Variants in ELF1 observed in about 807,000 individuals in gnomAD.
ELF1 encodes the protein ETS-related transcription factor Elf-1.
A neutral mutation model predicts 59.9 loss-of-function variants in ELF1; 24 were observed. The ratio of observed to expected loss-of-function variants is 0.40; its 90% confidence interval spans 0.29 to 0.56. The LOEUF (loss-of-function observed/expected upper bound fraction) is 0.56, where lower values mean the gene tolerates loss of function less well. Among genes scored for constraint, ELF1 ranks in the 20% least tolerant of loss-of-function variants. The pLI, the probability that ELF1 is intolerant of heterozygous loss-of-function variation, is 0.44. For synonymous variants in ELF1, 248 were observed against 266.2 expected (o/e 0.93, Z 0.67); for missense variants, 627 against 742.2 (o/e 0.84, Z 1.80).
rs185208204 is a variant in ELF1 at position 40,932,414 on chromosome 13, G to C, written c.*1011C>G. The C allele has an allele frequency of 7.2e-5, 10 of 139,668 alleles. No individual in the cohort carries two copies. The highest frequency in any genetic ancestry group is 4.1e-4 in the Admixed American group (5 of 12,294). The allele number at this position is 139,668 out of a possible 1,614,324, so 8.7% of individuals were successfully genotyped here. On this transcript the variant is annotated 3_prime_UTR_variant, in exon 9 of 9. Coordinates refer to ENST00000239882, the MANE Select transcript of ELF1 (RefSeq NM_172373.4). Reference sequence around the variant, plus strand: ...TGACTACTCAGCCAGATTAGCCCAAGGCTCAAGTTGCTTTCTTGGCCCTTA... The same window carrying C: ...TGACTACTCAGCCAGATTAGCCCAACGCTCAAGTTGCTTTCTTGGCCCTTA...
At chr13:40,979,899 G>A (rs1873157448) in intron 2 of ELF1, among the ~76,000 whole-genome samples, 1 of 152,094 alleles carries the variant, frequency 6.6e-6, no homozygotes, top group African/African-American at 2.4e-5. Flanking sequence ...TTTTTATTAG[G>A]TGACTTCTTT....
intron 1 of ELF1, among the ~76,000 whole-genome samples, chr13:41,060,065 C>A (rs1417616617): frequency 6.6e-6 from 1 of 152,220 alleles, no homozygotes; most frequent in Non-Finnish European, 1.5e-5. Context: ...CTGCGACCAG[C>A]GCCCCTTAAG....
At chr13:40,960,831 G>A (rs1871769928) in intron 2 of ELF1, among the ~76,000 whole-genome samples, 1 of 152,166 alleles carries the variant, frequency 6.6e-6, no homozygotes, top group Non-Finnish European at 1.5e-5. Flanking sequence ...TCAAAACTAT[G>A]TAAATTTTAT....
At chr13:41,052,911 G>A (rs973396697) in intron 1 of ELF1, among the ~76,000 whole-genome samples, 1 of 152,124 alleles carries the variant, frequency 6.6e-6, no homozygotes, top group Non-Finnish European at 1.5e-5. Flanking sequence ...TTTGTAGAAT[G>A]TGAGACATAT....
At chr13:40,953,014 T>C (rs1230422579) in intron 3 of ELF1, among the ~76,000 whole-genome samples, 5 of 151,124 alleles carry the variant, frequency 3.3e-5, no homozygotes, top group Admixed American at 2.0e-4. Context: ...TTCAATCTTG[T>C]TGCCCAGGCT....
At chr13:41,021,777 T>C (rs759187726), upstream of ELF1, among the ~76,000 whole-genome samples, 3 of 152,178 alleles carry the variant, frequency 2.0e-5, no homozygotes, top group African/African-American at 7.2e-5. Flanking sequence ...CAAATCTGAA[T>C]AGACACTTCA....
chr13:40,955,729 G>A (rs1234172077), intron 3 of ELF1, among the ~76,000 whole-genome samples: 1 of 127,406 alleles, frequency 7.8e-6, no homozygotes, highest in African/African-American at 3.0e-5. Flanking sequence ...GAGGCGGGGA[G>A]GTCAGCCCCC....
At chr13:41,055,260 G>C (rs1461286247) in intron 1 of ELF1, among the ~76,000 whole-genome samples, 4 of 152,048 alleles carry the variant, frequency 2.6e-5, no homozygotes, top group African/African-American at 4.8e-5. Context: ...GTCCACTACA[G>C]ACCCTAATCT....
At chr13:41,058,150 T>C (rs993832999) in intron 1 of ELF1, among the ~76,000 whole-genome samples, 1 of 152,190 alleles carries the variant, frequency 6.6e-6, no homozygotes, top group Non-Finnish European at 1.5e-5. Flanking sequence ...GAGACAGAAA[T>C]GGTTTAAAAA....
intron 1 of ELF1, among the ~76,000 whole-genome samples, chr13:41,008,002 C>G (rs61962744): frequency 0.19 from 28,742 of 152,186 alleles, 3,218 homozygotes; most frequent in South Asian, 0.37. Flanking sequence ...AGCCATGAGT[C>G]TACTCCTTAC....
At chr13:40,935,171 T>C (rs372612445) in intron 8 of ELF1, among the ~76,000 whole-genome samples, 1 of 152,258 alleles carries the variant, frequency 6.6e-6, no homozygotes, top group Non-Finnish European at 1.5e-5. Context: ...CAATCTAATT[T>C]AAAAAGTTCA....
intron 1 of ELF1, among the ~76,000 whole-genome samples, chr13:40,989,676 T>G (rs1410885280): frequency 6.6e-6 from 1 of 152,174 alleles, no homozygotes; most frequent in African/African-American, 2.4e-5. Context: ...AGCTCTATCT[T>G]GATTTACTTT....
At chr13:40,951,588 C>T in intron 3 of ELF1, 152 bp from the exon 4 acceptor site, 1 of 483,674 alleles carries the variant, frequency 2.1e-6, no homozygotes, top group Non-Finnish European at 3.4e-6. Context: ...TCATACCAAA[C>T]CTGGCTGGCG....
At chr13:41,055,281 C>A (rs541315192) in intron 1 of ELF1, among the ~76,000 whole-genome samples, 67 of 152,126 alleles carry the variant, frequency 4.4e-4, no homozygotes, top group Non-Finnish European at 8.1e-4. Flanking sequence ...ATTTTCGCAG[C>A]CTTATTTCCC....
chr13:40,956,202 G>T (rs560747525), intron 3 of ELF1, among the ~76,000 whole-genome samples: 1 of 151,402 alleles, frequency 6.6e-6, no homozygotes, highest in Admixed American at 6.6e-5. Flanking sequence ...GTAGACGTGG[G>T]AGACTTTTCA....
chr13:40,952,118 T>C (rs576706862), intron 3 of ELF1, among the ~76,000 whole-genome samples: 1 of 152,342 alleles, frequency 6.6e-6, no homozygotes, highest in African/African-American at 2.4e-5. Context: ...AATTTATTTG[T>C]TGAAGAACTC....
At chr13:41,016,822 G>A (rs1351188308) in intron 1 of ELF1, among the ~76,000 whole-genome samples, 3 of 145,868 alleles carry the variant, frequency 2.1e-5, no homozygotes, top group African/African-American at 7.6e-5. Context: ...GCTGAGGCAG[G>A]AGAATTGCTT....
chr13:40,999,571 G>C (rs1874303770), intron 1 of ELF1, among the ~76,000 whole-genome samples: 1 of 152,092 alleles, frequency 6.6e-6, no homozygotes, highest in Non-Finnish European at 1.5e-5. Context: ...TATCAAACTG[G>C]GTTGCAACAA....
chr13:40,941,432 A>T, intron 7 of ELF1, 62 bp from the exon 8 acceptor site: 1 of 1,433,324 alleles, frequency 7.0e-7, no homozygotes, highest in Non-Finnish European at 9.4e-7. Context: ...CAACAAAATC[A>T]AATTTCCCTA....
Sources: allele counts gnomAD v4.1 joint callset (sites outside exome capture counted in the v4.1 genomes callset), GRCh38; gene constraint gnomAD v4.1.1; transcripts MANE v1.5; gene names NCBI Gene and HGNC (gene_info 2026-07-23, HGNC 2026-07-21).